Variants in POLE2 observed in about 807,000 individuals in gnomAD.
The protein encoded by POLE2 is DNA polymerase epsilon subunit 2.
POLE2 carries 56 observed loss-of-function variants against 79.4 expected under a neutral mutation model. The observed-to-expected ratio is 0.71, with a 90% CI of 0.57 to 0.88. POLE2 has a LOEUF of 0.88. Among genes scored for constraint, POLE2 ranks in the 40% least tolerant of loss-of-function variants. The probability of loss-of-function intolerance (pLI) is 0.00; values close to 1 mark genes in which losing one functional copy is unlikely to be tolerated. For synonymous variants in POLE2, 212 were observed against 214.0 expected, an observed-to-expected ratio of 0.99 and a Z score of 0.08; for missense variants, 598 against 638.9, an observed-to-expected ratio of 0.94 and a Z score of 0.69.
chr14:49,660,898 AG>A (rs1333648995), intron 10 of POLE2, among the ~76,000 whole-genome samples: 2 of 152,186 alleles, frequency 1.3e-5, no homozygotes, highest in Non-Finnish European at 2.9e-5. Flanking sequence ...TCTTAAAAAA[AG>A]TTTGTGACCA....
At chr14:49,662,531 A>G (rs1444385294) in intron 10 of POLE2, among the ~76,000 whole-genome samples, 1 of 152,222 alleles carries the variant, frequency 6.6e-6, no homozygotes, top group East Asian at 1.9e-4. Context: ...AGATAACACT[A>G]AATAGCAAAG....
At chr14:49,674,284 G>T in intron 4 of POLE2, 66 bp downstream of exon 4, 1 of 1,439,572 alleles carries the variant, frequency 6.9e-7, no homozygotes, top group Non-Finnish European at 9.8e-7. Flanking sequence ...TGAAGCAAGA[G>T]ACTATACCTT....
At chr14:49,662,786 C>A (rs1398814786) in intron 10 of POLE2, among the ~76,000 whole-genome samples, 2 of 152,204 alleles carry the variant, frequency 1.3e-5, no homozygotes, top group Non-Finnish European at 2.9e-5. Flanking sequence ...AAACTACTTT[C>A]AACCCATGGG....
intron 18 of POLE2, among the ~76,000 whole-genome samples, chr14:49,644,127 G>A (rs1039577931): frequency 6.7e-6 from 1 of 149,630 alleles, no homozygotes; most frequent in Admixed American, 6.7e-5. Flanking sequence ...TGATCCACCC[G>A]CCTCAGCCTC....
intron 6 of POLE2, among the ~76,000 whole-genome samples, chr14:49,668,857 G>A (rs1426904909): frequency 6.6e-6 from 1 of 152,168 alleles, no homozygotes; most frequent in Non-Finnish European, 1.5e-5. Flanking sequence ...CTGGAGTACA[G>A]TGGCATGATC....
At chr14:49,682,418 C>A (rs950978000) in intron 2 of POLE2, among the ~76,000 whole-genome samples, 1 of 151,308 alleles carries the variant, frequency 6.6e-6, no homozygotes, top group South Asian at 2.1e-4. Context: ...TGGGCGATCA[C>A]CTGAAGTTGG....
intron 3 of POLE2, 74 bp downstream of exon 3, chr14:49,679,651 T>C: frequency 1.3e-6 from 1 of 750,088 alleles, no homozygotes; most frequent in South Asian, 1.6e-5. Flanking sequence ...ACTAATAATT[T>C]TCCAAGACAA....
At chr14:49,654,882 C>A in intron 12 of POLE2, 44 bp from the exon 13 acceptor site, 2 of 1,450,794 alleles carry the variant, frequency 1.4e-6, no homozygotes, top group South Asian at 1.5e-5. Context: ...CATATAATGC[C>A]ATAAAATTAT....
chr14:49,647,292 C>G lies in POLE2; in HGVS notation c.1565+1G>C, dbSNP rs749380464. ...CTTGCTGTGTCTGTGCACACACTTA[C>G]CTATCTTCTACTGTCTTATTAGAAG... On this transcript the variant is annotated splice_donor_variant, in intron 18 of 18. Transcript: ENST00000216367. LOFTEE classifies it high-confidence loss of function. 6.8e-7 allele frequency: 1 copy of G among 1,472,638 alleles called. No individual in the cohort carries two copies. The highest frequency in any genetic ancestry group is 9.4e-7 in the Non-Finnish European group (1 of 1,068,728). The allele number at this position is 1,472,638 out of a possible 1,614,324, so 91.2% of individuals were successfully genotyped here. A position where few individuals can be genotyped will look rare whatever the true frequency, so the allele number is the denominator to read the frequency against.
rs1490322856 is a variant in POLE2 at position 49,677,297 on chromosome 14, T to C, written c.245+2428A>G. 7.2e-6 allele frequency: 4 copies of C among 555,206 alleles called. No homozygotes were observed. The African/African-American group carries it at 7.6e-5, about 11-fold the overall frequency. 34.4% of individuals were successfully genotyped at this position (555,206 alleles called of 1,614,324 possible). ...CTTCCGTTCTTTAAGAGAGATATAC[T>C]GTGGAATGGAGAGAAAGGCCGAAGG... On this transcript the variant is annotated intron_variant, in intron 3 of 18. Coordinates refer to ENST00000216367, the MANE Select transcript of POLE2 (RefSeq NM_002692.4).
At chr14:49,682,195 G>C (rs557996601) in intron 2 of POLE2, among the ~76,000 whole-genome samples, 1 of 150,690 alleles carries the variant, frequency 6.6e-6, no homozygotes, top group Non-Finnish European at 1.5e-5. Context: ...AGTAGAGACA[G>C]GGTTTGCCAT....
chr14:49,647,024 T>C (rs1048972613), intron 18 of POLE2: 9 of 281,832 alleles, frequency 3.2e-5, no homozygotes, highest in East Asian at 6.9e-5. Context: ...TCGTCAGGAG[T>C]TGGCCTGTAA....
Position 49,679,794 on chromosome 14 carries a change from G to T in POLE2, c.176C>A (p.Ser59Ter). The T allele has an allele frequency of 6.3e-7, 1 of 1,578,170 alleles. No individual in the cohort carries two copies. The highest frequency in any genetic ancestry group is 8.7e-7 in the Non-Finnish European group (1 of 1,151,020). Residue 59 changes from serine to a stop codon, truncating the protein, a stop_gained, in exon 3 of 19, where the codon TCA becomes TAA. Coordinates refer to ENST00000216367, the MANE Select transcript of POLE2 (RefSeq NM_002692.4). LOFTEE classifies it high-confidence loss of function. The stretch of plus-strand genomic sequence containing the variant: ...CACCACAGATCGTTCAATCATGTTT[G>T]ATGACACTGAAAAGAGAATTTCAAA... ...INAVEKQPLS[S>*]NMIERSVVEA...
intron 17 of POLE2, 43 bp downstream of exon 17, chr14:49,650,222 A>T: frequency 3.7e-6 from 4 of 1,093,726 alleles, no homozygotes; most frequent in Non-Finnish European, 5.1e-6. Context: ...ATGCACTCTA[A>T]TCTTGATAAA....
intron 11 of POLE2, 110 bp from the exon 12 acceptor site, chr14:49,655,204 A>G: frequency 5.5e-6 from 2 of 361,976 alleles, no homozygotes; most frequent in African/African-American, 4.3e-5. Flanking sequence ...TTAAAATAAC[A>G]TTTTAATAAC....
chr14:49,667,143 G>A (rs547129435), intron 6 of POLE2, among the ~76,000 whole-genome samples: 10 of 151,468 alleles, frequency 6.6e-5, no homozygotes, highest in Non-Finnish European at 1.3e-4. Context: ...AGCCGAGATC[G>A]CCTTGCATTC....
At chr14:49,646,297 TG>T (rs1883753401) in intron 18 of POLE2, among the ~76,000 whole-genome samples, 1 of 145,950 alleles carries the variant, frequency 6.9e-6, no homozygotes. Flanking sequence ...GTTGTTTTTT[TG>T]TTGGTTTTTT....
At position 49,664,694 on chromosome 14, in the gene POLE2, A is replaced by G; in HGVS notation, c.634-20T>C. Reference sequence around the variant, plus strand: ...GAACTGGTACACAACAGTTGAGGAAAATAATTCTATTCTTGAGGCAGTAAT... The same window carrying G: ...GAACTGGTACACAACAGTTGAGGAAGATAATTCTATTCTTGAGGCAGTAAT... On this transcript the variant is annotated intron_variant, in intron 8 of 18. Transcript: ENST00000216367. 1.3e-6 allele frequency: 2 copies of G among 1,498,240 alleles called. No homozygotes were observed. The highest frequency in any genetic ancestry group is 1.9e-6 in the Non-Finnish European group (2 of 1,076,344). 92.8% of individuals were successfully genotyped at this position (1,498,240 alleles called of 1,614,324 possible). A position where few individuals can be genotyped will look rare whatever the true frequency, so the allele number is the denominator to read the frequency against.
intron 5 of POLE2, among the ~76,000 whole-genome samples, chr14:49,669,823 G>A (rs1885747673): frequency 6.6e-6 from 1 of 152,122 alleles, no homozygotes; most frequent in African/African-American, 2.4e-5. Context: ...TTGTGTGTAT[G>A]GCAGCAGCAC....
Sources: allele counts gnomAD v4.1 joint callset (sites outside exome capture counted in the v4.1 genomes callset), GRCh38; gene constraint gnomAD v4.1.1; transcripts MANE v1.5; gene names NCBI Gene and HGNC (gene_info 2026-07-23, HGNC 2026-07-21).